Variants in RAB2A observed in about 807,000 individuals in gnomAD.
RAB2A encodes the protein RAB2A, member RAS oncogene family, also known as ras-related protein Rab-2A.
In RAB2A, 7 loss-of-function variants were observed where a neutral mutation model predicts 32.5. The observed-to-expected ratio is 0.22, with a 90% CI of 0.12 to 0.40. The LOEUF (loss-of-function observed/expected upper bound fraction) is 0.40, where lower values mean the gene tolerates loss of function less well. Among genes scored for constraint, RAB2A ranks in the 10% least tolerant of loss-of-function variants. RAB2A has a pLI of 1.00. For synonymous variants in RAB2A, 79 were observed against 85.2 expected (o/e 0.93, Z 0.40); for missense variants, 108 against 260.7 (o/e 0.41, Z 4.03).
chr8:60,584,861 T>C (rs151320304), intron 5 of RAB2A, 46 bp downstream of exon 5: 13 of 1,347,242 alleles, frequency 9.6e-6, no homozygotes, highest in Non-Finnish European at 1.4e-5. Context: ...TGATGAAGAC[T>C]GTACTGTTTA....
intron 1 of RAB2A, 100 bp downstream of exon 1, chr8:60,517,353 G>A (rs895159761): frequency 4.6e-5 from 52 of 1,127,598 alleles, no homozygotes; most frequent in Non-Finnish European, 5.6e-5. Context: ...GACTCCACCC[G>A]GCGCCTCCCT....
intron 1 of RAB2A, among the ~76,000 whole-genome samples, chr8:60,542,674 A>G (rs1807665487): frequency 1.3e-5 from 2 of 152,174 alleles, no homozygotes; most frequent in Admixed American, 1.3e-4. Context: ...GGGGTACTTT[A>G]ATATTGTAAA....
chr8:60,575,093 GTTTTTTTT>G (rs59359164), intron 3 of RAB2A, among the ~76,000 whole-genome samples: 2 of 128,144 alleles, frequency 1.6e-5, no homozygotes, highest in Non-Finnish European at 3.3e-5. Flanking sequence ...TTTTTTGGGG[GTTTTTTTT>G]TTTTTTTTTG....
chr8:60,534,649 T>C (rs928341768), intron 1 of RAB2A, among the ~76,000 whole-genome samples: 2 of 152,212 alleles, frequency 1.3e-5, no homozygotes, highest in Non-Finnish European at 2.9e-5. Flanking sequence ...CCAAGAAGGT[T>C]TGATGACTTT....
intron 6 of RAB2A, among the ~76,000 whole-genome samples, chr8:60,603,223 TTAAA>T (rs1169057143): frequency 6.6e-6 from 1 of 152,230 alleles, no homozygotes; most frequent in Non-Finnish European, 1.5e-5. Flanking sequence ...TTTGTTAAGA[TTAAA>T]TATAAATGGC....
At chr8:60,562,865 A>G (rs1272157827) in intron 2 of RAB2A, among the ~76,000 whole-genome samples, 1 of 152,154 alleles carries the variant, frequency 6.6e-6, no homozygotes, top group Non-Finnish European at 1.5e-5. Context: ...GCATATATAC[A>G]TTGAAAGGGT....
At chr8:60,568,490 T>C (rs1311660183) in intron 2 of RAB2A, among the ~76,000 whole-genome samples, 1 of 152,230 alleles carries the variant, frequency 6.6e-6, no homozygotes, top group African/African-American at 2.4e-5. Context: ...TTATATGTAA[T>C]CATCCTTTTA....
intron 2 of RAB2A, chr8:60,569,908 G>A (rs1404826980): frequency 8.8e-6 from 4 of 454,696 alleles, no homozygotes; most frequent in Admixed American, 2.4e-5. Context: ...CTGTAGTTAT[G>A]TATGGAACCT....
chr8:60,616,643 C>G (rs1260419174), intron 6 of RAB2A, among the ~76,000 whole-genome samples: 2 of 152,250 alleles, frequency 1.3e-5, no homozygotes, highest in Admixed American at 6.5e-5. Context: ...AAAGCGCACT[C>G]GCGTCCTAAG....
intron 6 of RAB2A, among the ~76,000 whole-genome samples, chr8:60,607,495 T>C (rs1450301484): frequency 6.6e-6 from 1 of 150,630 alleles, no homozygotes; most frequent in African/African-American, 2.4e-5. Flanking sequence ...GAGGCTTGTC[T>C]CAAACTCTTC....
intron 1 of RAB2A, among the ~76,000 whole-genome samples, chr8:60,532,587 T>A (rs1807493851): frequency 6.6e-6 from 1 of 152,166 alleles, no homozygotes; most frequent in African/African-American, 2.4e-5. Flanking sequence ...CTCAGCTCAC[T>A]GCAACCTCTG....
At chr8:60,527,169 G>A (rs1337552316) in intron 1 of RAB2A, among the ~76,000 whole-genome samples, 1 of 151,852 alleles carries the variant, frequency 6.6e-6, no homozygotes, top group Non-Finnish European at 1.5e-5. Context: ...AGGGGGAAGT[G>A]CTACACACTT....
intron 6 of RAB2A, among the ~76,000 whole-genome samples, chr8:60,597,941 T>C (rs1339628573): frequency 1.3e-5 from 2 of 151,398 alleles, no homozygotes. Flanking sequence ...AGATGACTAA[T>C]AGACCAGTTT....
chr8:60,583,321 A>G (rs1803793512), intron 3 of RAB2A, among the ~76,000 whole-genome samples: 1 of 152,220 alleles, frequency 6.6e-6, no homozygotes, highest in African/African-American at 2.4e-5. Flanking sequence ...GGGATTAAAA[A>G]TGAAAAATAA....
chr8:60,567,873 T>A (rs1037175327), intron 2 of RAB2A, among the ~76,000 whole-genome samples: 3 of 152,148 alleles, frequency 2.0e-5, no homozygotes, highest in African/African-American at 7.2e-5. Context: ...ATTTTATTAC[T>A]CTAATTTTTG....
chr8:60,575,735 G>A (rs553540794), intron 3 of RAB2A, among the ~76,000 whole-genome samples: 9 of 136,822 alleles, frequency 6.6e-5, no homozygotes, highest in South Asian at 2.5e-4. Context: ...TCAGCTCACC[G>A]CAACCTCCGC....
chr8:60,570,857 TGGG>T (rs1808188046), intron 2 of RAB2A, among the ~76,000 whole-genome samples: 1 of 152,220 alleles, frequency 6.6e-6, no homozygotes, highest in Admixed American at 6.5e-5. Flanking sequence ...TGGGGAGTTA[TGGG>T]AGATGCTGAA....
intron 6 of RAB2A, among the ~76,000 whole-genome samples, chr8:60,598,021 A>G (rs1167416561): frequency 6.6e-6 from 1 of 152,212 alleles, no homozygotes. Context: ...AACATGGTGA[A>G]ACCCTGTCTC....
intron 6 of RAB2A, among the ~76,000 whole-genome samples, chr8:60,596,516 ATT>A (rs1804026993): frequency 2.0e-5 from 3 of 152,248 alleles, no homozygotes; most frequent in Non-Finnish European, 4.4e-5. Flanking sequence ...AAAAGAAGAC[ATT>A]TATGCGGCCA....
Sources: gnomAD v4.1 joint callset for allele counts (sites outside exome capture counted in the v4.1 genomes callset) on GRCh38, gnomAD v4.1.1 for gene constraint, MANE v1.5 for transcripts, NCBI Gene and HGNC (gene_info 2026-07-23, HGNC 2026-07-21) for gene names.